The following TLL1 variants were observed in gnomAD, a reference collection of about 807,000 sequenced individuals.
TLL1 encodes tolloid-like protein 1.
A neutral mutation model predicts 128.2 loss-of-function variants in TLL1; 49 were observed. The observed-to-expected ratio is 0.38, with a 90% CI of 0.30 to 0.48. TLL1 has a LOEUF of 0.48. TLL1 is among the 20% of genes least tolerant of loss of function. The pLI, the probability that TLL1 is intolerant of heterozygous loss-of-function variation, is 0.96. For synonymous variants in TLL1, 454 were observed against 418.8 expected (o/e 1.08, Z -1.03); for missense variants, 1,123 against 1,242.0 (o/e 0.90, Z 1.44).
intron 7 of TLL1, among the ~76,000 whole-genome samples, chr4:166,013,238 C>T (rs960004463): frequency 1.5e-4 from 23 of 151,772 alleles, no homozygotes; most frequent in Non-Finnish European, 2.9e-4. Flanking sequence ...TTATTTTTCT[C>T]GATAGTACCT....
intron 15 of TLL1, among the ~76,000 whole-genome samples, chr4:166,064,307 C>T (rs1034270578): frequency 6.6e-5 from 10 of 151,874 alleles, no homozygotes; most frequent in African/African-American, 2.4e-4. Flanking sequence ...CATAGTTTTC[C>T]CTTAAGCTAT....
At chr4:166,047,804 G>A (rs191068855) in intron 12 of TLL1, among the ~76,000 whole-genome samples, 1 of 152,262 alleles carries the variant, frequency 6.6e-6, no homozygotes, top group Admixed American at 6.5e-5. Context: ...GGGAAGTGAT[G>A]TGGTCTGGAT....
intron 1 of TLL1, among the ~76,000 whole-genome samples, chr4:165,933,156 A>C (rs1733606276): frequency 6.6e-6 from 1 of 152,152 alleles, no homozygotes. Flanking sequence ...ATGGGTACTT[A>C]AAGCATCAAG....
intron 1 of TLL1, among the ~76,000 whole-genome samples, chr4:165,909,640 T>C (rs1209295419): frequency 6.6e-6 from 1 of 152,214 alleles, no homozygotes; most frequent in East Asian, 1.9e-4. Context: ...TGTTGAAACA[T>C]AACTTCAAAG....
chr4:166,047,604 C>G (rs1361491487), intron 12 of TLL1, among the ~76,000 whole-genome samples: 1 of 151,844 alleles, frequency 6.6e-6, no homozygotes, highest in East Asian at 1.9e-4. Context: ...AACTTCTTAG[C>G]TGTCCATCAT....
At chr4:166,100,413 T>C (rs1454926081) in intron 20 of TLL1, among the ~76,000 whole-genome samples, 2 of 152,070 alleles carry the variant, frequency 1.3e-5, no homozygotes, top group Non-Finnish European at 2.9e-5. Context: ...CTTTACTGAT[T>C]TGTAAATCAA....
Position 166,101,271 on chromosome 4 carries a change from G to T in TLL1, c.*395G>T, listed in dbSNP as rs1283308729. The T allele has an allele frequency of 7.3e-6, 2 of 274,574 alleles. No homozygotes were observed. The highest frequency in any genetic ancestry group is 1.4e-5 in the Non-Finnish European group (2 of 142,402). The allele number at this position is 274,574 out of a possible 1,614,324, so 17.0% of individuals were successfully genotyped here. ...AAAATGATCTTGCAGGTCGTAAACT[G>T]GAAAACAGTATTTTGGTTGTCTTAG... On this transcript the variant is annotated 3_prime_UTR_variant, in exon 21 of 21. Coordinates refer to ENST00000061240, the MANE Select transcript of TLL1 (RefSeq NM_012464.5).
chr4:166,028,357 C>T (rs1040987071), intron 9 of TLL1, among the ~76,000 whole-genome samples: 2 of 151,904 alleles, frequency 1.3e-5, no homozygotes, highest in South Asian at 4.1e-4. Context: ...CATCCTTTTC[C>T]TATTTATCTC....
At chr4:166,061,053 T>C (rs186159925) in intron 15 of TLL1, among the ~76,000 whole-genome samples, 108 of 152,298 alleles carry the variant, frequency 7.1e-4, no homozygotes, top group African/African-American at 2.6e-3. Context: ...ACAAAAAATA[T>C]TTTGTCTTTG....
chr4:165,987,536 C>T (rs552334475), intron 1 of TLL1, among the ~76,000 whole-genome samples: 58 of 152,002 alleles, frequency 3.8e-4, no homozygotes, highest in East Asian at 7.7e-4. Flanking sequence ...TGAGAGTAAA[C>T]GAAAGTAAGC....
chr4:166,066,470 G>T (rs556289307), intron 16 of TLL1, among the ~76,000 whole-genome samples: 2 of 151,768 alleles, frequency 1.3e-5, no homozygotes, highest in South Asian at 2.1e-4. Flanking sequence ...TCAGAATCAT[G>T]CTTTATAAAA....
chr4:166,076,483 T>A (rs1171381878), intron 17 of TLL1, among the ~76,000 whole-genome samples: 1 of 152,206 alleles, frequency 6.6e-6, no homozygotes, highest in Non-Finnish European at 1.5e-5. Context: ...CAAATTTGTC[T>A]GTTCATTACA....
chr4:165,893,155 T>G (rs1366188876), intron 1 of TLL1, among the ~76,000 whole-genome samples: 1 of 152,206 alleles, frequency 6.6e-6, no homozygotes, highest in Non-Finnish European at 1.5e-5. Context: ...TGAGTTATTA[T>G]ATTTCTTGAT....
intron 1 of TLL1, among the ~76,000 whole-genome samples, chr4:165,916,470 G>A (rs544546582): frequency 6.6e-6 from 1 of 152,276 alleles, no homozygotes; most frequent in Non-Finnish European, 1.5e-5. Context: ...GTGTACATCA[G>A]CGTCTGTGAA....
chr4:165,998,799 A>C (rs78116814), intron 5 of TLL1, among the ~76,000 whole-genome samples: 1 of 147,718 alleles, frequency 6.8e-6, no homozygotes, highest in East Asian at 2.0e-4. Context: ...TCTGTCTTCA[A>C]AAAAAAAAAA....
rs763537316 is a variant in TLL1, at chr4:166,065,719, C to T, written c.2044C>T (p.Leu682Phe). ...TGATTATGTGGAGATCTGGAGTGGT[C>T]TTTCCTCTGAGTCTAAACTGCATGG... ...KYDYVEIWSG[L>F]SSESKLHGKF... Residue 682 changes from leucine to phenylalanine, a missense_variant, in exon 16 of 21, where the codon CTT becomes TTT. Physicochemically the swap from Leu to Phe is conservative, Grantham distance 22. This residue lies in a region of TLL1 where 634 missense variants were observed against 672.4 expected (regional missense o/e 0.94). Coordinates refer to ENST00000061240, the MANE Select transcript of TLL1 (RefSeq NM_012464.5). The T allele has an allele frequency of 6.2e-7, 1 of 1,611,768 alleles. No individual in the cohort carries two copies. The highest frequency in any genetic ancestry group is 1.7e-5 in the Admixed American group (1 of 59,824).
intron 1 of TLL1, among the ~76,000 whole-genome samples, chr4:165,957,122 G>C (rs891393381): frequency 3.3e-5 from 5 of 152,180 alleles, no homozygotes; most frequent in Middle Eastern, 3.4e-3. Flanking sequence ...TCTCAGATGT[G>C]ATGATACCCA....
At chr4:165,897,362 T>C (rs1292493733) in intron 1 of TLL1, among the ~76,000 whole-genome samples, 1 of 152,220 alleles carries the variant, frequency 6.6e-6, no homozygotes, top group Non-Finnish European at 1.5e-5. Context: ...GGATTAGGTT[T>C]TACATTTAAG....
chr4:166,026,981 A>C (rs1279485968), intron 9 of TLL1, among the ~76,000 whole-genome samples: 1 of 152,196 alleles, frequency 6.6e-6, no homozygotes, highest in Non-Finnish European at 1.5e-5. Flanking sequence ...AAAACATGGA[A>C]TCAAGCTAGA....
Sources: allele counts gnomAD v4.1 joint callset (sites outside exome capture counted in the v4.1 genomes callset), GRCh38; gene constraint gnomAD v4.1.1; regional missense constraint gnomAD v4.1.1; transcripts MANE v1.5; gene names NCBI Gene and HGNC (gene_info 2026-07-23, HGNC 2026-07-21).